Variants in IPO11 observed in about 807,000 individuals in gnomAD.
IPO11 encodes the protein importin 11.
A neutral mutation model predicts 143.2 loss-of-function variants in IPO11; 66 were observed. The observed-to-expected ratio is 0.46, with a 90% CI of 0.38 to 0.57. IPO11 has a LOEUF of 0.57. Among genes scored for constraint, IPO11 ranks in the 20% least tolerant of loss-of-function variants. IPO11 has a pLI of 0.00. For synonymous variants in IPO11, 385 were observed against 377.8 expected (o/e 1.02, Z -0.22); for missense variants, 1,026 against 1,141.0 (o/e 0.90, Z 1.45).
chr5:62,610,418 T>A (rs4700495), intron 29 of IPO11, among the ~76,000 whole-genome samples: 147,323 of 152,272 alleles, frequency 0.97, 71,308 homozygotes, highest in East Asian at 1. Context: ...TCATTTTGCA[T>A]TGAGAAGGCA....
chr5:62,623,071 A>G (rs1746431701), intron 29 of IPO11, among the ~76,000 whole-genome samples: 1 of 152,230 alleles, frequency 6.6e-6, no homozygotes, highest in Admixed American at 6.5e-5. Context: ...GTTTATATCC[A>G]ACAGATCTTA....
rs1416787344 is a variant in IPO11 at position 62,594,985 on chromosome 5, T to TGATC, written c.2678+3314_2678+3317dup. Among the ~76,000 whole-genome samples the TGATC allele has an allele frequency of 5.3e-5, 8 of 152,220 alleles. 1 individual carries two copies. The East Asian group carries it at 1.5e-3, about 29-fold the overall frequency. ...TGGTGATTTCCACACCGGAGGGACATGATCAGATTTATACTTAGAAAGGTC... is the reference window on the plus strand; with the variant it reads ...TGGTGATTTCCACACCGGAGGGACATGATCGATCAGATTTATACTTAGAAAGGTC... On this transcript the variant is annotated intron_variant, in intron 28 of 29. Coordinates refer to ENST00000325324, the MANE Select transcript of IPO11 (RefSeq NM_016338.5).
At position 62,526,182 on chromosome 5, in the gene IPO11, T is replaced by C. The variant is rs753149812; in HGVS notation, c.1937T>C (p.Leu646Pro). 19 of 1,613,574 alleles carry C rather than the reference T, an allele frequency of 1.2e-5. No individual in the cohort carries two copies. Among genetic ancestry groups the C allele is most frequent in the Non-Finnish European group, 1.4e-5 (16 of 1,179,726 alleles). ...AGCAAGAACCTGTACCCTTTCCTGC[T>C]CCCAGTTATTCAACTGAGTACAGAT... ...ADSKNLYPFLLPVIQLSTDVS... is the reference protein window; with the variant it reads ...ADSKNLYPFLPPVIQLSTDVS... Residue 646 changes from leucine (L) to proline (P), a missense_variant, in exon 21 of 30, where the codon CTC becomes CCC. This residue lies in a region of IPO11 where 237 missense variants were observed against 288.0 expected (regional missense o/e 0.82). Coordinates refer to ENST00000325324, the MANE Select transcript of IPO11 (RefSeq NM_016338.5).
At chr5:62,507,268 T>C (rs1472874819) in intron 19 of IPO11, among the ~76,000 whole-genome samples, 1 of 152,192 alleles carries the variant, frequency 6.6e-6, no homozygotes, top group Non-Finnish European at 1.5e-5. Context: ...ACTCCCGTGG[T>C]AGGGTTGAGT....
intron 9 of IPO11, among the ~76,000 whole-genome samples, chr5:62,479,964 T>C (rs1746124519): frequency 6.6e-6 from 1 of 152,226 alleles, no homozygotes; most frequent in African/African-American, 2.4e-5. Flanking sequence ...TTTGTCAATT[T>C]TGGCTTTTGT....
At position 62,536,682 on chromosome 5, in the gene IPO11, G is replaced by T; in HGVS notation, c.2090-20G>T. 4 of 1,570,652 alleles carry T rather than the reference G, an allele frequency of 2.5e-6. No homozygotes were observed. The South Asian group carries it at 4.8e-5, about 19-fold the overall frequency. The stretch of plus-strand genomic sequence containing the variant: ...AGTGAATTAATTTGGTTTTTTGTTT[G>T]ACATTTATTGTTTTGGCAGAACTAA... On this transcript the variant is annotated intron_variant, in intron 22 of 29. Transcript: ENST00000325324.
intron 7 of IPO11, 119 bp downstream of exon 7, chr5:62,470,427 G>GT: frequency 4.6e-6 from 4 of 863,276 alleles, no homozygotes; most frequent in Middle Eastern, 2.2e-4. Flanking sequence ...TGACCATCTA[G>GT]TTTTTTACCA....
chr5:62,507,264 G>A (rs761253275), intron 19 of IPO11, among the ~76,000 whole-genome samples: 2 of 152,170 alleles, frequency 1.3e-5, no homozygotes, highest in Non-Finnish European at 2.9e-5. Flanking sequence ...TGCGACTCCC[G>A]TGGTAGGGTT....
rs1175009542 is a variant in IPO11 at position 62,446,766 on chromosome 5, C to T, written c.240-3161C>T. On this transcript the variant is annotated intron_variant, in intron 3 of 29. Transcript: ENST00000325324. The stretch of plus-strand genomic sequence containing the variant: ...GGCAGGTCGCCTGAGGTCAGGAGTT[C>T]GAGACCAGCCTGGCCAACATGATGA... Among the ~76,000 whole-genome samples, 8 of 152,194 alleles carry T rather than the reference C, an allele frequency of 5.3e-5. No homozygotes were observed. In the East Asian group the frequency reaches 9.6e-4, roughly 18 times the overall value.
intron 1 of IPO11, among the ~76,000 whole-genome samples, chr5:62,414,606 G>A (rs1247919791): frequency 6.6e-6 from 1 of 152,186 alleles, no homozygotes; most frequent in Non-Finnish European, 1.5e-5. Context: ...TATAAGCTTT[G>A]TAGAGCTTAA....
At chr5:62,576,532 T>A (rs756908036) in intron 27 of IPO11, among the ~76,000 whole-genome samples, 4 of 152,202 alleles carry the variant, frequency 2.6e-5, no homozygotes, top group Non-Finnish European at 5.9e-5. Flanking sequence ...GGCTCACACC[T>A]GTAATCCCAG....
At chr5:62,491,945 G>C (rs1210392224) in intron 15 of IPO11, among the ~76,000 whole-genome samples, 2 of 151,918 alleles carry the variant, frequency 1.3e-5, no homozygotes, top group Non-Finnish European at 2.9e-5. Context: ...ATAAGATTTT[G>C]TTTCTTTTCT....
chr5:62,606,565 G>A (rs953439616), intron 29 of IPO11, among the ~76,000 whole-genome samples: 1 of 150,818 alleles, frequency 6.6e-6, no homozygotes, highest in South Asian at 2.1e-4. Flanking sequence ...GGCCGGGTAC[G>A]GTGGCTCACG....
chr5:62,432,724 A>T (rs1744036954), intron 1 of IPO11, among the ~76,000 whole-genome samples: 2 of 152,154 alleles, frequency 1.3e-5, no homozygotes, highest in Admixed American at 6.5e-5. Flanking sequence ...CATTCCAGAA[A>T]TATTCTTTCT....
chr5:62,540,189 T>C (rs567672921), intron 24 of IPO11, among the ~76,000 whole-genome samples: 3 of 152,320 alleles, frequency 2.0e-5, no homozygotes, highest in Admixed American at 6.5e-5. Context: ...TGAGGATCCA[T>C]TTGGGATTCT....
chr5:62,536,147 A>T (rs1271151415), intron 22 of IPO11, among the ~76,000 whole-genome samples: 5 of 152,182 alleles, frequency 3.3e-5, no homozygotes, highest in African/African-American at 1.2e-4. Flanking sequence ...GTAATATCGC[A>T]TATTTAGTGC....
At chr5:62,581,101 A>G (rs975532080) in intron 27 of IPO11, 5 of 1,549,164 alleles carry the variant, frequency 3.2e-6, no homozygotes, top group Non-Finnish European at 4.4e-6. Context: ...GTTTAAACAA[A>G]AACTAAAGGC....
intron 9 of IPO11, among the ~76,000 whole-genome samples, chr5:62,482,807 C>T (rs983497721): frequency 2.6e-5 from 4 of 151,948 alleles, no homozygotes; most frequent in Non-Finnish European, 4.4e-5. Flanking sequence ...TATATTTAAG[C>T]GTTTTGTATC....
chr5:62,531,298 G>A (rs1333562150), intron 22 of IPO11, among the ~76,000 whole-genome samples: 2 of 152,094 alleles, frequency 1.3e-5, no homozygotes, highest in African/African-American at 4.8e-5. Flanking sequence ...CTAGCTTCCT[G>A]AGTAGCTAGA....
Sources: allele counts gnomAD v4.1 joint callset (sites outside exome capture counted in the v4.1 genomes callset), GRCh38; gene constraint gnomAD v4.1.1; regional missense constraint gnomAD v4.1.1; transcripts MANE v1.5; gene names NCBI Gene and HGNC (gene_info 2026-07-23, HGNC 2026-07-21).